The following EYS variants were observed in gnomAD, a reference collection of about 807,000 sequenced individuals.
EYS encodes the protein EGF-like photoreceptor maintenance factor.
Under a neutral mutation model 282.1 loss-of-function variants are expected in EYS, and 250 were observed. The observed-to-expected ratio is 0.89, with a 90% confidence interval of 0.80 to 0.98. The LOEUF (loss-of-function observed/expected upper bound fraction) is 0.98, where lower values mean the gene tolerates loss of function less well. EYS is among the 50% of genes least tolerant of loss of function. EYS has a pLI of 0.00. For synonymous variants in EYS, 1,355 were observed against 1,282.9 expected (o/e 1.06, Z -1.20); for missense variants, 4,016 against 3,709.0 (o/e 1.08, Z -2.15).
chr6:65,088,800 G>GA (rs1774462210), intron 12 of EYS, among the ~76,000 whole-genome samples: 1 of 152,092 alleles, frequency 6.6e-6, no homozygotes, highest in Non-Finnish European at 1.5e-5. Flanking sequence ...GGGCTAGGAG[G>GA]AAAAAATGGT....
chr6:64,208,342 A>G (rs772131437), intron 31 of EYS, among the ~76,000 whole-genome samples: 17 of 152,318 alleles, frequency 1.1e-4, no homozygotes, highest in Non-Finnish European at 2.5e-4. Context: ...CATTTGTAGA[A>G]TATTAAATAT....
chr6:64,561,632 C>G (rs754126992), intron 26 of EYS, among the ~76,000 whole-genome samples: 2 of 151,954 alleles, frequency 1.3e-5, no homozygotes, highest in African/African-American at 4.8e-5. Flanking sequence ...GATGAAAGAT[C>G]TCTGTTTACA....
chr6:64,543,969 T>C lies in EYS; in HGVS notation c.5644+46254A>G, dbSNP rs531078872. On this transcript the variant is annotated intron_variant, in intron 26 of 42. Coordinates refer to ENST00000503581, the MANE Select transcript of EYS (RefSeq NM_001142800.2). The stretch of plus-strand genomic sequence containing the variant: ...TTTCCTTGATAAGCACATAATCACA[T>C]ACAGAGTTTCAGATTATTTAATTTC... Among the ~76,000 whole-genome samples the C allele has an allele frequency of 5.3e-5, 8 of 152,332 alleles. No homozygotes were observed. In the South Asian group the frequency reaches 1.2e-3, roughly 24 times the overall value.
chr6:64,945,921 G>T lies in EYS; in HGVS notation c.2260-7C>A, dbSNP rs532797776. 2 of 1,538,226 alleles carry T rather than the reference G, an allele frequency of 1.3e-6. No individual in the cohort carries two copies. Among genetic ancestry groups the T allele is most frequent in the Non-Finnish European group, 1.8e-6 (2 of 1,138,214 alleles). On this transcript the variant is annotated splice_polypyrimidine_tract_variant and splice_region_variant and intron_variant, in intron 14 of 42. Transcript: ENST00000503581. ...GGCACACACACTGGTAGCTCTAAGA[G>T]AATATGAAATTATATATTTTTAGGC...
intron 15 of EYS, among the ~76,000 whole-genome samples, chr6:64,937,717 A>C (rs1768956486): frequency 6.6e-6 from 1 of 151,646 alleles, no homozygotes; most frequent in South Asian, 2.1e-4. Context: ...TTTGGAAAAG[A>C]GTTTGGAAGT....
chr6:65,009,145 T>C (rs1199794564), intron 13 of EYS, among the ~76,000 whole-genome samples: 16 of 152,008 alleles, frequency 1.1e-4, no homozygotes, highest in Non-Finnish European at 1.5e-5. Flanking sequence ...AAGGACAATA[T>C]AGACGAGCAA....
chr6:64,301,707 C>A (rs1399315655), intron 30 of EYS, among the ~76,000 whole-genome samples: 1 of 152,142 alleles, frequency 6.6e-6, no homozygotes, highest in African/African-American at 2.4e-5. Context: ...AGACCTTGCC[C>A]TTCCTGCTGA....
At chr6:65,447,360 AGT>A (rs71818056) in intron 5 of EYS, among the ~76,000 whole-genome samples, 25,312 of 143,794 alleles carry the variant, frequency 0.18, 2,859 homozygotes, top group Middle Eastern at 0.29. Flanking sequence ...ATATGTATAT[AGT>A]TATATATATA....
Position 65,622,981 on chromosome 6 carries a change from A to T in EYS, c.-333+16797T>A, listed in dbSNP as rs186987485. The stretch of plus-strand genomic sequence containing the variant: ...CTATGTTGCCCAGGCTGGTCTCAAA[A>T]TCCTGGGCTCATGTGATTCTCCCAC... On this transcript the variant is annotated intron_variant, in intron 2 of 42. Coordinates refer to ENST00000503581, the MANE Select transcript of EYS (RefSeq NM_001142800.2). 4.6e-4 allele frequency among the ~76,000 whole-genome samples: 70 copies of T among 152,120 alleles called. 1 individual carries two copies. The highest frequency in any genetic ancestry group is 3.2e-3 in the Admixed American group (49 of 15,272).
chr6:64,421,478 A>G (rs1774231693), intron 28 of EYS, among the ~76,000 whole-genome samples: 1 of 152,140 alleles, frequency 6.6e-6, no homozygotes, highest in African/African-American at 2.4e-5. Context: ...TCTCATTAGT[A>G]TAACTCTTAA....
chr6:65,319,287 G>T (rs1769405968), intron 11 of EYS, among the ~76,000 whole-genome samples: 1 of 150,462 alleles, frequency 6.6e-6, no homozygotes, highest in Non-Finnish European at 1.5e-5. Context: ...GGCGGAGGCA[G>T]GAGAATCTCT....
intron 5 of EYS, among the ~76,000 whole-genome samples, chr6:65,421,938 G>T (rs915093750): frequency 6.6e-6 from 1 of 151,798 alleles, no homozygotes; most frequent in African/African-American, 2.4e-5. Flanking sequence ...TGATCACAGA[G>T]CCCCATGTAG....
At chr6:64,552,739 C>G (rs1051848453) in intron 26 of EYS, among the ~76,000 whole-genome samples, 7 of 149,128 alleles carry the variant, frequency 4.7e-5, no homozygotes, top group Non-Finnish European at 7.4e-5. Context: ...ATGGTGAACC[C>G]CCCCCACCAT....
Position 64,590,526 on chromosome 6 carries a change from C to A in EYS, c.5341G>T (p.Val1781Leu), listed in dbSNP as rs1766370733. 1 of 1,551,382 alleles carries A rather than the reference C, an allele frequency of 6.4e-7. No individual in the cohort carries two copies. The highest frequency in any genetic ancestry group is 2.0e-5 in the Admixed American group (1 of 50,968). ...KNNLPPLTGSVPDFSEVTTNV... is the reference protein window; with the variant it reads ...KNNLPPLTGSLPDFSEVTTNV... ...GTGGTGACTTCTGAAAAATCAGGCA[C>A]TGAGCCTGTCAATGGTGGCAGATTA... is the stretch of plus-strand genomic sequence containing the variant. Residue 1781 changes from valine to leucine, a missense_variant, in exon 26 of 43, where the codon GTG (valine) becomes TTG (leucine). Val to Leu is a conservative substitution (Grantham distance 32). Coordinates refer to ENST00000503581, the MANE Select transcript of EYS (RefSeq NM_001142800.2).
At chr6:65,668,587 T>C (rs999279603) in intron 1 of EYS, among the ~76,000 whole-genome samples, 1 of 151,922 alleles carries the variant, frequency 6.6e-6, no homozygotes, top group Non-Finnish European at 1.5e-5. Flanking sequence ...AGCTTCCTTG[T>C]CCCTACTTTA....
chr6:65,402,396 C>G (rs1355449366), intron 7 of EYS, 82 bp downstream of exon 7: 4 of 1,029,704 alleles, frequency 3.9e-6, no homozygotes, highest in Non-Finnish European at 6.0e-6. Flanking sequence ...AGGGTTAAAA[C>G]CAGAACATCA....
At chr6:65,497,973 C>T (rs2127274490) in intron 2 of EYS, among the ~76,000 whole-genome samples, 1 of 152,060 alleles carries the variant, frequency 6.6e-6, no homozygotes, top group Admixed American at 6.6e-5. Flanking sequence ...GAGGAGAAAA[C>T]AACACTAATG....
chr6:64,683,907 C>T (rs779904197), intron 22 of EYS, among the ~76,000 whole-genome samples: 1 of 152,164 alleles, frequency 6.6e-6, no homozygotes, highest in Non-Finnish European at 1.5e-5. Context: ...CAGCAGCCAA[C>T]CTCGCTGCCC....
chr6:65,292,869 G>T (rs759685585), intron 12 of EYS, among the ~76,000 whole-genome samples: 3 of 151,726 alleles, frequency 2.0e-5, no homozygotes, highest in Non-Finnish European at 4.4e-5. Flanking sequence ...GAATAAAGTT[G>T]TCTGGTTGGC....
Sources: gnomAD v4.1 joint callset for allele counts (sites outside exome capture counted in the v4.1 genomes callset) on GRCh38, gnomAD v4.1.1 for gene constraint, MANE v1.5 for transcripts, NCBI Gene and HGNC (gene_info 2026-07-23, HGNC 2026-07-21) for gene names.